NEDD4: variants seen among roughly 807,000 people sequenced by gnomAD.
NEDD4 encodes the protein NEDD4 E3 ubiquitin protein ligase, also known as E3 ubiquitin-protein ligase NEDD4.
In NEDD4, 99 loss-of-function variants were observed where a neutral mutation model predicts 144.9. That is an observed-to-expected ratio of 0.68 (90% CI 0.58 to 0.81). NEDD4 has a LOEUF of 0.81. Among genes scored for constraint, NEDD4 ranks in the 30% least tolerant of loss-of-function variants. The pLI is 0.00. For synonymous variants in NEDD4, 318 were observed against 350.6 expected, an observed-to-expected ratio of 0.91 and a Z score of 1.04; for missense variants, 985 against 1,065.9, an observed-to-expected ratio of 0.92 and a Z score of 1.06.
chr15:55,875,687 C>G (rs985275968), intron 5 of NEDD4, among the ~76,000 whole-genome samples: 1 of 151,888 alleles, frequency 6.6e-6, no homozygotes, highest in Non-Finnish European at 1.5e-5. Context: ...GTTTAAAAGA[C>G]AATTGAAGAT....
At chr15:55,879,451 C>T (rs1445211088) in intron 5 of NEDD4, among the ~76,000 whole-genome samples, 1 of 152,208 alleles carries the variant, frequency 6.6e-6, no homozygotes, top group African/African-American at 2.4e-5. Context: ...TCTCTCTGCT[C>T]ACCCCAAAGT....
rs750413150 is a variant in NEDD4, at chr15:55,837,857, G to C, written c.2202-8C>G. 1.2e-6 allele frequency: 2 copies of C among 1,601,524 alleles called. No homozygotes were observed. The stretch of plus-strand genomic sequence containing the variant: ...CGCCATTGTATTACAAGACTAAAAA[G>C]AAACAACATTTCATTTTCATGTGAA... On this transcript the variant is annotated splice_polypyrimidine_tract_variant and splice_region_variant and intron_variant, in intron 23 of 28. Transcript: ENST00000435532.
intron 5 of NEDD4, among the ~76,000 whole-genome samples, chr15:55,911,817 C>T (rs887144719): frequency 2.6e-5 from 4 of 152,218 alleles, no homozygotes; most frequent in East Asian, 3.9e-4. Context: ...CGTGAGCCAC[C>T]GCGCCCGGCC....
chr15:55,881,367 C>T (rs1400624829), intron 5 of NEDD4, among the ~76,000 whole-genome samples: 1 of 152,074 alleles, frequency 6.6e-6, no homozygotes, highest in East Asian at 1.9e-4. Flanking sequence ...TCTTGAACTC[C>T]TGACCTCCAG....
intron 2 of NEDD4, among the ~76,000 whole-genome samples, chr15:55,952,271 T>C (rs1439891819): frequency 6.6e-6 from 1 of 151,872 alleles, no homozygotes; most frequent in African/African-American, 2.4e-5. Flanking sequence ...AAGGTGGAGC[T>C]TGCAGTGAGC....
At chr15:55,856,030 G>T in intron 12 of NEDD4, 101 bp downstream of exon 12, 1 of 955,940 alleles carries the variant, frequency 1.0e-6, no homozygotes, top group Non-Finnish European at 1.6e-6. Flanking sequence ...GTGCTGTATT[G>T]GCTCCCTGTA....
At chr15:55,985,193 T>C (rs1358986246) in intron 1 of NEDD4, among the ~76,000 whole-genome samples, 1 of 152,258 alleles carries the variant, frequency 6.6e-6, no homozygotes, top group Non-Finnish European at 1.5e-5. Flanking sequence ...CTATGTGATA[T>C]ATGAATTCCT....
At chr15:55,912,994 T>G (rs1360928595) in intron 5 of NEDD4, among the ~76,000 whole-genome samples, 1 of 152,086 alleles carries the variant, frequency 6.6e-6, no homozygotes, top group East Asian at 1.9e-4. Context: ...TCATTAGATT[T>G]AAAAAATCAG....
chr15:55,829,662 AG>A lies in NEDD4; in HGVS notation c.*234del. 2.6e-6 allele frequency: 1 copy of A among 383,616 alleles called. No homozygotes were observed. The highest frequency in any genetic ancestry group is 4.7e-6 in the Non-Finnish European group (1 of 211,562). 23.8% of individuals were successfully genotyped at this position (383,616 alleles called of 1,614,324 possible). ...GCCAGGTGTGGTGGTGCCTGGCTTT[AG>A]GCAGGCACCTAACTCTAAAGACAGC... is the stretch of plus-strand genomic sequence containing the variant. On this transcript the variant is annotated 3_prime_UTR_variant, in exon 29 of 29. Transcript: ENST00000435532.
intron 8 of NEDD4, among the ~76,000 whole-genome samples, chr15:55,863,319 A>G (rs1016112312): frequency 1.3e-5 from 2 of 152,326 alleles, no homozygotes; most frequent in East Asian, 3.9e-4. Flanking sequence ...AATTTTTCAA[A>G]AAAAACTTTA....
intron 5 of NEDD4, among the ~76,000 whole-genome samples, chr15:55,909,446 T>C (rs2036202427): frequency 6.6e-6 from 1 of 152,256 alleles, no homozygotes; most frequent in South Asian, 2.1e-4. Context: ...CATCTGACCA[T>C]GGTCTCCCAA....
At chr15:55,871,336 T>C (rs1260359519) in intron 7 of NEDD4, among the ~76,000 whole-genome samples, 1 of 152,230 alleles carries the variant, frequency 6.6e-6, no homozygotes, top group Non-Finnish European at 1.5e-5. Flanking sequence ...CACACAAATT[T>C]AGGAATGTAG....
At chr15:55,897,860 C>T (rs1388737739) in intron 5 of NEDD4, among the ~76,000 whole-genome samples, 2 of 152,224 alleles carry the variant, frequency 1.3e-5, no homozygotes, top group Non-Finnish European at 2.9e-5. Flanking sequence ...TTTCCCCAGG[C>T]TTCCACATCC....
chr15:55,989,534 T>C (rs1215051121), intron 1 of NEDD4, among the ~76,000 whole-genome samples: 1 of 152,200 alleles, frequency 6.6e-6, no homozygotes, highest in Non-Finnish European at 1.5e-5. Context: ...TATCAGAATA[T>C]GCCCTTCTTA....
intron 5 of NEDD4, chr15:55,917,236 GT>G: frequency 1.2e-6 from 1 of 855,000 alleles, no homozygotes; most frequent in Admixed American, 5.3e-5. Context: ...AGTTGAAACA[GT>G]ATTTTTTCAC....
chr15:55,855,351 A>G (rs2034148507), intron 12 of NEDD4, among the ~76,000 whole-genome samples: 1 of 152,222 alleles, frequency 6.6e-6, no homozygotes, highest in African/African-American at 2.4e-5. Context: ...GAATGCACAC[A>G]GACTCAGAAG....
chr15:55,993,577 C>G lies in NEDD4; in HGVS notation c.-22G>C, dbSNP rs763061214. The G allele has an allele frequency of 6.3e-7, 1 of 1,590,060 alleles. No individual in the cohort carries two copies. Among genetic ancestry groups the G allele is most frequent in the Non-Finnish European group, 8.5e-7 (1 of 1,171,058 alleles). ...CCATTTCCGAACGCTTCCAGCAAAC[C>G]GGACGCGCTCGCCCCCGCCCAGGGC... On this transcript the variant is annotated 5_prime_UTR_variant, in exon 1 of 29. Coordinates refer to ENST00000435532, the MANE Select transcript of NEDD4 (RefSeq NM_006154.4).
At chr15:55,928,574 C>A (rs2036720357) in intron 4 of NEDD4, among the ~76,000 whole-genome samples, 1 of 152,168 alleles carries the variant, frequency 6.6e-6, no homozygotes, top group African/African-American at 2.4e-5. Context: ...TTGCTTCTTG[C>A]ATTTTCTGAT....
At chr15:55,955,765 A>G (rs2142310904) in intron 2 of NEDD4, among the ~76,000 whole-genome samples, 1 of 151,194 alleles carries the variant, frequency 6.6e-6, no homozygotes, top group East Asian at 1.9e-4. Context: ...ACACATGTGC[A>G]TGGACACCCC....
Sources: allele counts gnomAD v4.1 joint callset (sites outside exome capture counted in the v4.1 genomes callset), GRCh38; gene constraint gnomAD v4.1.1; transcripts MANE v1.5; gene names NCBI Gene and HGNC (gene_info 2026-07-23, HGNC 2026-07-21).